Variants in PSD3 observed in about 807,000 individuals in gnomAD.
PSD3 encodes the protein pleckstrin and Sec7 domain containing 3.
PSD3 carries 49 observed loss-of-function variants against 105.5 expected under a neutral mutation model. The ratio of observed to expected loss-of-function variants is 0.46; its 90% confidence interval spans 0.37 to 0.59. The LOEUF is 0.59. Ranked by LOEUF, PSD3 falls within the 20% of genes least tolerant of loss-of-function variation. The pLI is 0.00. For missense variants in PSD3, 1,561 were observed against 1,263.8 expected, an observed-to-expected ratio of 1.24 and a Z score of -3.57; for synonymous variants, 557 against 457.8, an observed-to-expected ratio of 1.22 and a Z score of -2.77.
rs1228154620 is a variant in PSD3, at chr8:18,752,570, TATATA to T, written c.2172+12874_2172+12878del. ...ATTATATATAATTATATATATTATA[TATATA>T]ATTATATATATTATATATTATATAT... On this transcript the variant is annotated intron_variant, in intron 9 of 15. Coordinates refer to ENST00000327040, the MANE Select transcript of PSD3 (RefSeq NM_015310.4). Among the ~76,000 whole-genome samples the T allele has an allele frequency of 1.3e-3, 111 of 84,892 alleles. 1 individual carries two copies. Among genetic ancestry groups the T allele is most frequent in the African/African-American group, 7.2e-3 (105 of 14,496 alleles). 55.7% of individuals were successfully genotyped at this position (84,892 alleles called of 152,430 possible).
chr8:18,729,582 G>A (rs754539), intron 9 of PSD3, among the ~76,000 whole-genome samples: 86,748 of 152,138 alleles, frequency 0.57, 26,727 homozygotes, highest in Non-Finnish European at 0.7. Context: ...AAAGGGTACA[G>A]TGCAGGTTCC....
chr8:18,656,605 TG>T (rs1808914854), intron 9 of PSD3, among the ~76,000 whole-genome samples: 1 of 152,150 alleles, frequency 6.6e-6, no homozygotes, highest in African/African-American at 2.4e-5. Flanking sequence ...TTTAGACCCT[TG>T]GTAACAATAA....
chr8:18,808,773 CAAG>C (rs1563296629), intron 4 of PSD3: 11 of 1,613,922 alleles, frequency 6.8e-6, no homozygotes, highest in African/African-American at 4.0e-5. Flanking sequence ...ATACAGACAC[CAAG>C]AAGAGCCCAT....
chr8:18,798,818 T>C (rs1336574214), intron 8 of PSD3, among the ~76,000 whole-genome samples: 1 of 152,184 alleles, frequency 6.6e-6, no homozygotes, highest in Non-Finnish European at 1.5e-5. Context: ...CTTAAGTAGA[T>C]GATGAGACGG....
chr8:18,718,413 C>T (rs1288966046), intron 9 of PSD3, among the ~76,000 whole-genome samples: 1 of 152,156 alleles, frequency 6.6e-6, no homozygotes, highest in African/African-American at 2.4e-5. Flanking sequence ...TTTGTTCTTG[C>T]AGTGAAGTAG....
rs73670006 is a variant in PSD3 at position 18,742,957 on chromosome 8, T to C, written c.2172+22492A>G. Among the ~76,000 whole-genome samples the C allele has an allele frequency of 9.4e-3, 1,427 of 152,276 alleles. 29 individuals carry two copies. The highest frequency in any genetic ancestry group is 0.032 in the African/African-American group (1,345 of 41,560). ...TAGTTTTAAGTGGCTGAGAGCACAGTCAGGTCTCTTACAATTTCCAATGTG... is the reference window on the plus strand; with the variant it reads ...TAGTTTTAAGTGGCTGAGAGCACAGCCAGGTCTCTTACAATTTCCAATGTG... On this transcript the variant is annotated intron_variant, in intron 9 of 15. Transcript: ENST00000327040.
chr8:19,033,948 G>T (rs1563521198), intron 1 of PSD3, among the ~76,000 whole-genome samples: 2 of 152,086 alleles, frequency 1.3e-5, no homozygotes, highest in Non-Finnish European at 2.9e-5. Context: ...TGATAGAGGG[G>T]TTAAGCAACA....
At chr8:18,728,464 G>A (rs1172023573) in intron 9 of PSD3, among the ~76,000 whole-genome samples, 2 of 152,190 alleles carry the variant, frequency 1.3e-5, no homozygotes, top group African/African-American at 2.4e-5. Flanking sequence ...TGAAGGGTGA[G>A]TATGAGTTAC....
At chr8:18,680,171 G>C (rs959615101) in intron 9 of PSD3, among the ~76,000 whole-genome samples, 3 of 152,096 alleles carry the variant, frequency 2.0e-5, no homozygotes, top group African/African-American at 4.8e-5. Context: ...CAAATATTTA[G>C]ACTCAGAGGA....
chr8:18,654,038 C>A (rs1808713025), intron 10 of PSD3, among the ~76,000 whole-genome samples: 1 of 152,118 alleles, frequency 6.6e-6, no homozygotes, highest in African/African-American at 2.4e-5. Context: ...GAATGATCAC[C>A]TTTGATAGCA....
chr8:19,053,816 G>A (rs568361776), intron 1 of PSD3, among the ~76,000 whole-genome samples: 1 of 152,298 alleles, frequency 6.6e-6, no homozygotes, highest in South Asian at 2.1e-4. Context: ...GTTCACTGCA[G>A]TATTCTGTAT....
At chr8:18,594,392 TA>T (rs1461810576) in intron 12 of PSD3, among the ~76,000 whole-genome samples, 2 of 114,568 alleles carry the variant, frequency 1.7e-5, no homozygotes, top group African/African-American at 7.6e-5. Flanking sequence ...ACATTATATA[TA>T]ATATATTATA....
intron 8 of PSD3, 78 bp downstream of exon 8, chr8:18,799,217 A>G: frequency 7.7e-7 from 1 of 1,303,566 alleles, no homozygotes; most frequent in South Asian, 1.2e-5. Context: ...GGGGAGGCAG[A>G]AAATAAATGT....
chr8:18,980,830 C>G (rs1434706364), intron 1 of PSD3, among the ~76,000 whole-genome samples: 2 of 152,230 alleles, frequency 1.3e-5, no homozygotes, highest in African/African-American at 4.8e-5. Flanking sequence ...CTTCACCATC[C>G]CCACTCCTAA....
chr8:19,071,857 C>A (rs113561968), intron 1 of PSD3, among the ~76,000 whole-genome samples: 42,372 of 151,764 alleles, frequency 0.28, 6,222 homozygotes, highest in South Asian at 0.37. Context: ...TTACAGGCAC[C>A]TGCCACCACA....
intron 10 of PSD3, among the ~76,000 whole-genome samples, chr8:18,642,691 A>T (rs1046842067): frequency 3.3e-5 from 5 of 152,210 alleles, no homozygotes; most frequent in Admixed American, 2.6e-4. Context: ...TGTGAAATGA[A>T]GATAACAATA....
intron 15 of PSD3, among the ~76,000 whole-genome samples, chr8:18,541,843 C>G (rs909610453): frequency 2.6e-5 from 4 of 151,734 alleles, no homozygotes; most frequent in Non-Finnish European, 5.9e-5. Flanking sequence ...CTCTGCCTCC[C>G]AGGTTCAAGC....
At position 18,872,371 on chromosome 8, in the gene PSD3, A is replaced by G; in HGVS notation, c.493T>C (p.Ser165Pro). Residue 165 changes from serine to proline, a missense_variant, in exon 3 of 16, where the codon TCA (serine) becomes CCA (proline). Coordinates refer to ENST00000327040, the MANE Select transcript of PSD3 (RefSeq NM_015310.4). ...VLDQDAVSSF[S>P]VQQVEKELDT... ...AGCTCTTTTTCCACCTGCTGAACTGAAAAACTAGAAACAGCATCTTGGTCC... is the reference window on the plus strand; with the variant it reads ...AGCTCTTTTTCCACCTGCTGAACTGGAAAACTAGAAACAGCATCTTGGTCC... 7 of 1,614,192 alleles carry G rather than the reference A, an allele frequency of 4.3e-6. No homozygotes were observed. The highest frequency in any genetic ancestry group is 5.9e-6 in the Non-Finnish European group (7 of 1,180,036).
chr8:18,704,568 C>A (rs922241239), intron 9 of PSD3, among the ~76,000 whole-genome samples: 2 of 152,194 alleles, frequency 1.3e-5, no homozygotes. Context: ...TCTTGAACTC[C>A]TGACCTCGTG....
Sources: allele counts gnomAD v4.1 joint callset (sites outside exome capture counted in the v4.1 genomes callset), GRCh38; gene constraint gnomAD v4.1.1; transcripts MANE v1.5; gene names NCBI Gene and HGNC (gene_info 2026-07-23, HGNC 2026-07-21).